Variants in PEAK1 observed in about 807,000 individuals in gnomAD.
PEAK1 encodes the protein pseudopodium enriched atypical kinase 1, also known as inactive tyrosine-protein kinase PEAK1.
PEAK1 carries 54 observed loss-of-function variants against 124.7 expected under a neutral mutation model. The ratio of observed to expected loss-of-function variants is 0.43; its 90% CI spans 0.35 to 0.54. PEAK1 has a LOEUF of 0.54. Ranked by LOEUF, PEAK1 falls within the 20% of genes least tolerant of loss-of-function variation. PEAK1 has a pLI of 0.01. For missense variants in PEAK1, 2,046 were observed against 2,134.5 expected, an observed-to-expected ratio of 0.96 and a Z score of 0.82; for synonymous variants, 719 against 760.0, an observed-to-expected ratio of 0.95 and a Z score of 0.89.
chr15:77,268,262 G>C (rs1012000473), intron 5 of PEAK1, among the ~76,000 whole-genome samples: 4 of 152,184 alleles, frequency 2.6e-5, no homozygotes, highest in African/African-American at 9.6e-5. Flanking sequence ...ATCACTTGAT[G>C]TCAGGAGTTT....
chr15:77,306,645 G>A (rs879762593), intron 2 of PEAK1, among the ~76,000 whole-genome samples: 6 of 151,788 alleles, frequency 4.0e-5, no homozygotes, highest in Non-Finnish European at 8.8e-5. Context: ...CTTTTGTCTC[G>A]GCTGCTTTCC....
At chr15:77,274,321 C>T (rs2152957895) in intron 5 of PEAK1, among the ~76,000 whole-genome samples, 1 of 152,230 alleles carries the variant, frequency 6.6e-6, no homozygotes, top group Admixed American at 6.5e-5. Flanking sequence ...AAGAAACAAT[C>T]AGCAGAGAAA....
In PEAK1 at chr15:77,109,293, T is replaced by C. The variant is rs2050853370; in HGVS notation, c.*4863A>G. 1.3e-5 allele frequency: 2 copies of C among 152,242 alleles called. No homozygotes were observed. The highest frequency in any genetic ancestry group is 2.1e-4 in the South Asian group (1 of 4,828). The allele number at this position is 152,242 out of a possible 1,614,324, so 9.4% of individuals were successfully genotyped here. On this transcript the variant is annotated 3_prime_UTR_variant, in exon 10 of 10. Transcript: ENST00000682557. ...CTTCTCCTTAAATACTGAGGAACTT[T>C]GTATCTGCCAGGGCTTTCTTCATCT... is the stretch of plus-strand genomic sequence containing the variant.
intron 2 of PEAK1, among the ~76,000 whole-genome samples, chr15:77,341,419 G>T (rs1436645430): frequency 6.6e-6 from 1 of 151,954 alleles, no homozygotes; most frequent in African/African-American, 2.4e-5. Flanking sequence ...AGAATCACTT[G>T]AACCCGGGAG....
intron 6 of PEAK1, chr15:77,204,454 A>C (rs2058528357): frequency 6.5e-6 from 1 of 152,838 alleles, no homozygotes. Context: ...GTAAGTGTTT[A>C]TAGGAGCAGC....
In PEAK1 at chr15:77,179,477, G is replaced by A; in HGVS notation, c.2450C>T (p.Pro817Leu). The change falls in exon 7 of 10, where the codon CCC becomes CTC. Residue 817 changes from proline to leucine, a missense_variant. Transcript: ENST00000682557. The part of the protein sequence containing the change: ...KSTPKSTPVR[P>L]KSLFTSQPSG... ...AGGCTGAGATGTAAAGAGAGATTTG[G>A]GCCGGACTGGCGTACTCTTAGGTGT... 1 of 1,614,072 alleles carries A rather than the reference G, an allele frequency of 6.2e-7. No individual in the cohort carries two copies. The highest frequency in any genetic ancestry group is 8.5e-7 in the Non-Finnish European group (1 of 1,179,990).
In PEAK1 at chr15:77,102,275, G is replaced by A. The variant is rs530151543; in HGVS notation, c.*11881C>T. The A allele has an allele frequency of 7.9e-5, 12 of 152,204 alleles. No individual in the cohort carries two copies. In the South Asian group the frequency reaches 2.1e-3, roughly 26 times the overall value. 9.4% of individuals were successfully genotyped at this position (152,204 alleles called of 1,614,324 possible). A position where few individuals can be genotyped will look rare whatever the true frequency, so the allele number is the denominator to read the frequency against. On this transcript the variant is annotated 3_prime_UTR_variant, in exon 7 of 7. Transcript: ENST00000560626. Reference sequence around the variant, plus strand: ...TAGTGTTTTATGTTCCTAATGATTTGTATCAGCTCTTTATAACTCAGAATT... The same window carrying A: ...TAGTGTTTTATGTTCCTAATGATTTATATCAGCTCTTTATAACTCAGAATT...
intron 1 of PEAK1, among the ~76,000 whole-genome samples, chr15:77,365,433 G>C (rs909849819): frequency 1.3e-5 from 2 of 152,144 alleles, no homozygotes; most frequent in Non-Finnish European, 1.5e-5. Context: ...GGTATTTCTT[G>C]AAATTAAAAG....
At chr15:77,327,965 A>G (rs1196849316) in intron 2 of PEAK1, among the ~76,000 whole-genome samples, 1 of 152,172 alleles carries the variant, frequency 6.6e-6, no homozygotes, top group Admixed American at 6.6e-5. Flanking sequence ...GACTTCAAAG[A>G]TGCCTCCAAT....
At chr15:77,417,558 G>C in intron 1 of PEAK1, 1 of 985,332 alleles carries the variant, frequency 1.0e-6, no homozygotes, top group Non-Finnish European at 1.2e-6. Flanking sequence ...ACTGAAAACA[G>C]GGATTTGCAA....
At chr15:77,418,590 C>A (rs2073080055) in intron 1 of PEAK1, 2 of 984,908 alleles carry the variant, frequency 2.0e-6, no homozygotes, top group South Asian at 9.4e-5. Context: ...TTACAGTTTA[C>A]TAAATAAGTC....
chr15:77,407,569 C>T lies in PEAK1; in HGVS notation c.-666+12437G>A, dbSNP rs61507691. Among the ~76,000 whole-genome samples the T allele has an allele frequency of 9.2e-4, 140 of 152,262 alleles. 2 individuals are homozygous for T. In the East Asian group the frequency reaches 0.022, roughly 24 times the overall value. ...AAATCAAAACCACAATGCAATACCA[C>T]CTTACTCCTGCAAGAATGGCCATAA... On this transcript the variant is annotated intron_variant, in intron 1 of 9. Coordinates refer to ENST00000682557, the MANE Select transcript of PEAK1 (RefSeq NM_001385026.1).
At chr15:77,122,221 T>G (rs769206617) in intron 9 of PEAK1, among the ~76,000 whole-genome samples, 1 of 152,196 alleles carries the variant, frequency 6.6e-6, no homozygotes, top group Non-Finnish European at 1.5e-5. Context: ...GTAGGCCAGA[T>G]AATTTACAGC....
In PEAK1 at chr15:77,283,956, T is replaced by G. The variant is rs1440306601; in HGVS notation, c.-348A>C. 19 of 983,006 alleles carry G rather than the reference T, an allele frequency of 1.9e-5. No individual in the cohort carries two copies. The highest frequency in any genetic ancestry group is 1.2e-4 in the Admixed American group (2 of 16,266). The allele number at this position is 983,006 out of a possible 1,614,324, so 60.9% of individuals were successfully genotyped here. On this transcript the variant is annotated 5_prime_UTR_variant, in exon 5 of 10. Transcript: ENST00000682557. ...TTAGAAAATGTTTGTTTCTCCTTCT[T>G]GGATTTTTTCATAAATCATTGAATT...
chr15:77,362,414 A>G (rs2067951429), intron 2 of PEAK1, among the ~76,000 whole-genome samples: 1 of 152,204 alleles, frequency 6.6e-6, no homozygotes, highest in African/African-American at 2.4e-5. Context: ...AGTTCATAAT[A>G]AGTCACTAGG....
intron 1 of PEAK1, chr15:77,419,709 G>C (rs1000569865): frequency 1.0e-6 from 1 of 978,172 alleles, no homozygotes; most frequent in Non-Finnish European, 1.2e-6. Context: ...CCTTCCTCTG[G>C]GGGGCGTCGC....
At chr15:77,348,042 C>T (rs2066975602) in intron 2 of PEAK1, 1 of 985,200 alleles carries the variant, frequency 1.0e-6, no homozygotes, top group African/African-American at 1.7e-5. Context: ...ACATGGCTAT[C>T]AAATATATGC....
At chr15:77,372,796 C>T (rs975714750) in intron 1 of PEAK1, among the ~76,000 whole-genome samples, 16 of 152,072 alleles carry the variant, frequency 1.1e-4, no homozygotes, top group African/African-American at 3.9e-4. Flanking sequence ...AGCACCATCC[C>T]CCTAGTACTG....
intron 1 of PEAK1, among the ~76,000 whole-genome samples, chr15:77,376,489 G>C (rs2069039944): frequency 6.6e-6 from 1 of 152,066 alleles, no homozygotes; most frequent in Non-Finnish European, 1.5e-5. Flanking sequence ...TGTGGCTAAG[G>C]AAATATCACC....
Sources: gnomAD v4.1 joint callset for allele counts (sites outside exome capture counted in the v4.1 genomes callset) on GRCh38, gnomAD v4.1.1 for gene constraint, MANE v1.5 for transcripts, NCBI Gene and HGNC (gene_info 2026-07-23, HGNC 2026-07-21) for gene names.